The following SARNP variants were observed in gnomAD, a reference collection of about 807,000 sequenced individuals.
SARNP encodes the protein SAP domain containing ribonucleoprotein, also known as SAP domain-containing ribonucleoprotein.
Under a neutral mutation model 38.1 loss-of-function variants are expected in SARNP, and 5 were observed. That is an observed-to-expected ratio of 0.13 (90% confidence interval 0.07 to 0.28). The LOEUF (loss-of-function observed/expected upper bound fraction) is 0.28, where lower values mean the gene tolerates loss of function less well. SARNP is among the 10% of genes least tolerant of loss of function. The pLI is 1.00. For synonymous variants in SARNP, 84 were observed against 80.6 expected, an observed-to-expected ratio of 1.04 and a Z score of -0.23; for missense variants, 180 against 243.9, an observed-to-expected ratio of 0.74 and a Z score of 1.75.
At chr12:55,811,380 A>G (rs1209486373) in intron 1 of SARNP, among the ~76,000 whole-genome samples, 1 of 152,172 alleles carries the variant, frequency 6.6e-6, no homozygotes, top group Admixed American at 6.5e-5. Context: ...CAACACGGGT[A>G]GACTCTGTCT....
intron 3 of SARNP, 27 bp from the exon 4 acceptor site, chr12:55,800,656 A>G: frequency 1.9e-6 from 3 of 1,553,032 alleles, no homozygotes; most frequent in Non-Finnish European, 2.6e-6. Flanking sequence ...CAAGGTGGTT[A>G]ACATAAATCT....
intron 4 of SARNP, 137 bp downstream of exon 4, chr12:55,800,425 T>TA: frequency 3.2e-6 from 2 of 622,328 alleles, no homozygotes; most frequent in African/African-American, 1.9e-5. Flanking sequence ...TAGTCCCTTC[T>TA]AAAAAACAAA....
chr12:55,779,789 T>TAC (rs1440378254), intron 9 of SARNP, among the ~76,000 whole-genome samples: 3 of 152,150 alleles, frequency 2.0e-5, no homozygotes, highest in African/African-American at 7.2e-5. Context: ...ACCCTATATA[T>TAC]ACTATGATTT....
intron 1 of SARNP, among the ~76,000 whole-genome samples, chr12:55,817,230 C>T (rs974107561): frequency 6.6e-6 from 1 of 151,962 alleles, no homozygotes; most frequent in Non-Finnish European, 1.5e-5. Flanking sequence ...CAGAAATACA[C>T]AAAAATGCCA....
At chr12:55,795,324 T>TC (rs1446897857) in intron 5 of SARNP, among the ~76,000 whole-genome samples, 1 of 151,966 alleles carries the variant, frequency 6.6e-6, no homozygotes, top group Non-Finnish European at 1.5e-5. Flanking sequence ...ATACTGACAA[T>TC]CCTAGAAGAT....
chr12:55,758,389 G>C (rs567272798), intron 10 of SARNP, among the ~76,000 whole-genome samples: 5 of 152,312 alleles, frequency 3.3e-5, no homozygotes, highest in African/African-American at 1.2e-4. Flanking sequence ...GCTCACGCCT[G>C]TAATCTCAGG....
chr12:55,770,596 T>C (rs1365688636), intron 9 of SARNP, among the ~76,000 whole-genome samples: 3 of 152,100 alleles, frequency 2.0e-5, no homozygotes, highest in Admixed American at 6.6e-5. Context: ...GCATATATAC[T>C]GTAGCCAGGA....
chr12:55,766,626 G>GT (rs1878842165), intron 9 of SARNP, among the ~76,000 whole-genome samples: 1 of 128,640 alleles, frequency 7.8e-6, no homozygotes, highest in Non-Finnish European at 1.7e-5. Flanking sequence ...CGGGGGGGGG[G>GT]GGGGGGTTGT....
chr12:55,764,321 C>T (rs183957440), intron 9 of SARNP, among the ~76,000 whole-genome samples: 116 of 151,986 alleles, frequency 7.6e-4, no homozygotes, highest in Middle Eastern at 3.4e-3. Context: ...ATCCTGAGGT[C>T]GGGAGTTCGA....
At chr12:55,770,861 T>A (rs900734271) in intron 9 of SARNP, among the ~76,000 whole-genome samples, 1 of 152,160 alleles carries the variant, frequency 6.6e-6, no homozygotes, top group East Asian at 1.9e-4. Context: ...GGCTGTTTAC[T>A]CTGCCAAAAG....
intron 1 of SARNP, among the ~76,000 whole-genome samples, chr12:55,816,975 T>C (rs1238257261): frequency 6.6e-6 from 1 of 152,090 alleles, no homozygotes; most frequent in East Asian, 1.9e-4. Flanking sequence ...GTGAGTTCTC[T>C]CTGGTGGTTG....
chr12:55,761,339 T>C (rs1878669692), intron 9 of SARNP, among the ~76,000 whole-genome samples: 1 of 152,176 alleles, frequency 6.6e-6, no homozygotes, highest in Non-Finnish European at 1.5e-5. Context: ...CCCAAACTAC[T>C]TGTTGAACAA....
At position 55,777,494 on chromosome 12, in the gene SARNP, C is replaced by T. The variant is rs576846103; in HGVS notation, c.501+11581G>A. Among the ~76,000 whole-genome samples the T allele has an allele frequency of 3.1e-3, 469 of 152,128 alleles. 4 individuals are homozygous for T. The highest frequency in any genetic ancestry group is 0.011 in the African/African-American group (442 of 41,476). ...GGTTCAAGCGATTCTCCTGCCTCAG[C>T]CTCCCGAGTAGCTGGGACTACGGGC... On this transcript the variant is annotated intron_variant, in intron 9 of 10. Coordinates refer to ENST00000336133, the MANE Select transcript of SARNP (RefSeq NM_033082.4).
At chr12:55,794,165 A>G in intron 7 of SARNP, 194 bp downstream of exon 7, 1 of 583,440 alleles carries the variant, frequency 1.7e-6, no homozygotes, top group Non-Finnish European at 3.1e-6. Flanking sequence ...ATCCTCTCAT[A>G]ACATTCAGTA....
chr12:55,766,859 C>T (rs986154154), intron 9 of SARNP, among the ~76,000 whole-genome samples: 14 of 152,036 alleles, frequency 9.2e-5, no homozygotes, highest in Non-Finnish European at 2.1e-4. Flanking sequence ...TAAGCTCAAG[C>T]AATCTACCCG....
chr12:55,803,217 C>G (rs1373577428), intron 2 of SARNP, among the ~76,000 whole-genome samples: 1 of 152,034 alleles, frequency 6.6e-6, no homozygotes, highest in Admixed American at 6.6e-5. Flanking sequence ...GGCGCGGTGG[C>G]TCACAACTGT....
At chr12:55,783,337 T>C (rs1024051626) in intron 9 of SARNP, among the ~76,000 whole-genome samples, 7 of 152,022 alleles carry the variant, frequency 4.6e-5, no homozygotes, top group African/African-American at 1.2e-4. Flanking sequence ...TATTAGTCCA[T>C]AGTCACCATG....
rs192709302 is a variant in SARNP, at chr12:55,791,686, C to T, written c.407-1094G>A. 7.2e-3 allele frequency among the ~76,000 whole-genome samples: 1,097 copies of T among 151,532 alleles called. 2 individuals carry two copies. The highest frequency in any genetic ancestry group is 0.012 in the Non-Finnish European group (803 of 67,894). On this transcript the variant is annotated intron_variant, in intron 7 of 10. Coordinates refer to ENST00000336133, the MANE Select transcript of SARNP (RefSeq NM_033082.4). ...CTCCAGCCTGGGCGACAGAGCAAGA[C>T]TCCATCTCAAAAAAGAAAAAAAGAA...
intron 8 of SARNP, among the ~76,000 whole-genome samples, chr12:55,789,986 AATAATATTAAACCTTCACTT>A (rs1879617265): frequency 6.6e-6 from 1 of 151,548 alleles, no homozygotes; most frequent in Non-Finnish European, 1.5e-5. Context: ...AATTTTCATT[AATAATATTAAACCTTCACTT>A]ACAATATTAA....
Sources: gnomAD v4.1 joint callset for allele counts (sites outside exome capture counted in the v4.1 genomes callset) on GRCh38, gnomAD v4.1.1 for gene constraint, MANE v1.5 for transcripts, NCBI Gene and HGNC (gene_info 2026-07-23, HGNC 2026-07-21) for gene names.